Variants in CANX observed in about 807,000 individuals in gnomAD.
CANX encodes calnexin.
CANX carries 14 observed loss-of-function variants against 75.7 expected under a neutral mutation model. The observed-to-expected ratio is 0.19, with a 90% CI of 0.12 to 0.29. The LOEUF (loss-of-function observed/expected upper bound fraction) is 0.29. CANX is among the 10% of genes least tolerant of loss of function. The pLI is 1.00. For synonymous variants in CANX, 227 were observed against 236.9 expected, an observed-to-expected ratio of 0.96 and a Z score of 0.38; for missense variants, 567 against 713.2, an observed-to-expected ratio of 0.79 and a Z score of 2.34.
chr5:179,716,064 G>T, intron 7 of CANX, 41 bp from the exon 8 acceptor site: 1 of 1,406,192 alleles, frequency 7.1e-7, no homozygotes. Context: ...AGGGAGCTTG[G>T]AAAATTAAGT....
upstream of CANX, among the ~76,000 whole-genome samples, chr5:179,697,529 G>A (rs1322383836): frequency 1.3e-5 from 2 of 152,114 alleles, no homozygotes; most frequent in Non-Finnish European, 2.9e-5. Flanking sequence ...TCATTATTTG[G>A]ATCATGTAGC....
chr5:179,717,063 C>T (rs1778004871), intron 8 of CANX, among the ~76,000 whole-genome samples: 1 of 152,152 alleles, frequency 6.6e-6, no homozygotes, highest in African/African-American at 2.4e-5. Context: ...GGGCTGTATT[C>T]TTGTATATGG....
Position 179,728,810 on chromosome 5 carries a change from A to T in CANX, c.*166A>T. 2 of 703,498 alleles carry T rather than the reference A, an allele frequency of 2.8e-6. No individual in the cohort carries two copies. The highest frequency in any genetic ancestry group is 2.3e-4 in the Middle Eastern group (1 of 4,306). The allele number at this position is 703,498 out of a possible 1,614,324, so 43.6% of individuals were successfully genotyped here. On this transcript the variant is annotated 3_prime_UTR_variant, in exon 15 of 15. Coordinates refer to ENST00000247461, the MANE Select transcript of CANX (RefSeq NM_001746.4). ...GTCTGTGTAACTTTAAACATCTAGC[A>T]GTAAATACTTGCAGTTGTGATATAA... is the stretch of plus-strand genomic sequence containing the variant.
At chr5:179,711,908 G>A (rs1777584118) in intron 7 of CANX, among the ~76,000 whole-genome samples, 1 of 151,806 alleles carries the variant, frequency 6.6e-6, no homozygotes, top group Non-Finnish European at 1.5e-5. Flanking sequence ...GACCAGCCTG[G>A]CCAACATGGT....
intron 12 of CANX, 151 bp downstream of exon 12, chr5:179,723,930 G>C: frequency 1.6e-6 from 1 of 644,020 alleles, no homozygotes; most frequent in Admixed American, 3.4e-5. Context: ...CTTACTTACT[G>C]TTCCTCAGTG....
intron 7 of CANX, among the ~76,000 whole-genome samples, chr5:179,711,421 C>CA (rs918594645): frequency 1.1e-4 from 16 of 151,854 alleles, no homozygotes; most frequent in Non-Finnish European, 1.9e-4. Flanking sequence ...GATGCTGTCT[C>CA]AAAAAACAAA....
At position 179,728,660 on chromosome 5, in the gene CANX, T is replaced by C; in HGVS notation, c.*16T>C. On this transcript the variant is annotated 3_prime_UTR_variant, in exon 15 of 15. Coordinates refer to ENST00000247461, the MANE Select transcript of CANX (RefSeq NM_001746.4). ...AAGAGAGTGAAACAATCTTAAGAGC[T>C]TGATCTGTGATTTCTTCTCCCTCCT... 6.3e-7 allele frequency: 1 copy of C among 1,594,730 alleles called. No individual in the cohort carries two copies. The highest frequency in any genetic ancestry group is 8.6e-7 in the Non-Finnish European group (1 of 1,162,648).
intron 1 of CANX, among the ~76,000 whole-genome samples, chr5:179,687,762 G>A (rs779780145): frequency 2.0e-5 from 3 of 151,924 alleles, no homozygotes; most frequent in Non-Finnish European, 2.9e-5. Flanking sequence ...AGCCACGCAC[G>A]GTGGCTCATG....
intron 1 of CANX, chr5:179,678,911 A>G: frequency 1.3e-6 from 2 of 1,535,050 alleles, no homozygotes; most frequent in Non-Finnish European, 1.7e-6. Flanking sequence ...CCCGCCGCGG[A>G]ACACGAAGGC....
At chr5:179,709,805 C>G (rs1056798038) in intron 6 of CANX, 68 bp from the exon 7 acceptor site, 2 of 1,016,018 alleles carry the variant, frequency 2.0e-6, no homozygotes, top group African/African-American at 3.3e-5. Context: ...TTATCATACA[C>G]TTTTGAAACG....
Position 179,705,673 on chromosome 5 carries a change from G to T in CANX, c.-3-6G>T, listed in dbSNP as rs566778371. 2 of 1,609,510 alleles carry T rather than the reference G, an allele frequency of 1.2e-6. No individual in the cohort carries two copies. The highest frequency in any genetic ancestry group is 1.1e-5 in the South Asian group (1 of 90,622). On this transcript the variant is annotated splice_region_variant and splice_polypyrimidine_tract_variant and intron_variant, in intron 1 of 14. Coordinates refer to ENST00000247461, the MANE Select transcript of CANX (RefSeq NM_001746.4). ...ACATTTAACTGATTTTGCTCTTTAT[G>T]TGTAGATCATGGAAGGGAAGTGGTT...
upstream of CANX, among the ~76,000 whole-genome samples, chr5:179,695,808 G>A (rs1228391662): frequency 1.3e-5 from 2 of 150,958 alleles, no homozygotes; most frequent in Non-Finnish European, 2.9e-5. Context: ...CCGCCACTGC[G>A]CCCGGCTAAT....
chr5:179,696,276 T>C (rs1320877715), upstream of CANX, among the ~76,000 whole-genome samples: 5 of 123,864 alleles, frequency 4.0e-5, no homozygotes, highest in East Asian at 4.2e-4. Context: ...TCTTTTTTTT[T>C]TTTTTTTTTT....
chr5:179,721,637 G>C (rs1185418303), intron 10 of CANX, among the ~76,000 whole-genome samples: 1 of 152,158 alleles, frequency 6.6e-6, no homozygotes, highest in African/African-American at 2.4e-5. Flanking sequence ...GCCCAAAAGA[G>C]ATGGTAAGGA....
At chr5:179,712,384 T>G (rs887721159) in intron 7 of CANX, among the ~76,000 whole-genome samples, 3 of 151,912 alleles carry the variant, frequency 2.0e-5, no homozygotes, top group African/African-American at 7.2e-5. Context: ...TAGTTTGAGA[T>G]CATAAATAGG....
chr5:179,679,193 T>C (rs1457632343), intron 1 of CANX: 16 of 1,534,688 alleles, frequency 1.0e-5, no homozygotes, highest in Non-Finnish European at 1.3e-5. Context: ...TCGGGAGCGC[T>C]GGCGACTCGT....
At chr5:179,719,576 C>A in intron 8 of CANX, 92 bp from the exon 9 acceptor site, 1 of 584,694 alleles carries the variant, frequency 1.7e-6, no homozygotes. Context: ...AGATTAAAAA[C>A]AAATTTTTTT....
intron 4 of CANX, among the ~76,000 whole-genome samples, chr5:179,708,002 A>G (rs183283384): frequency 6.6e-6 from 1 of 151,866 alleles, no homozygotes; most frequent in African/African-American, 2.4e-5. Flanking sequence ...ACGCCCGGCT[A>G]ATTTTTGTGT....
At chr5:179,680,012 C>T (rs1004247603) in intron 1 of CANX, among the ~76,000 whole-genome samples, 4 of 126,758 alleles carry the variant, frequency 3.2e-5, no homozygotes, top group African/African-American at 5.9e-5. Context: ...GGGGTTTCAC[C>T]TTATTGGCCA....
Sources: allele counts gnomAD v4.1 joint callset (sites outside exome capture counted in the v4.1 genomes callset), GRCh38; gene constraint gnomAD v4.1.1; transcripts MANE v1.5; gene names NCBI Gene and HGNC (gene_info 2026-07-23, HGNC 2026-07-21).